Variants in LIFR observed in about 807,000 individuals in gnomAD.
LIFR encodes LIF receptor subunit alpha.
In LIFR, 84 loss-of-function variants were observed where a neutral mutation model predicts 122.2. That is an observed-to-expected ratio of 0.69 (90% CI 0.58 to 0.82). LIFR has a LOEUF of 0.82. Among genes scored for constraint, LIFR ranks in the 40% least tolerant of loss-of-function variants. The pLI is 0.00. For missense variants in LIFR, 1,294 were observed against 1,311.6 expected (o/e 0.99, Z 0.21); for synonymous variants, 422 against 434.7 (o/e 0.97, Z 0.36).
chr5:38,602,488 C>T, intron 2 of LIFR, among the ~76,000 whole-genome samples: 1 of 151,988 alleles, frequency 6.6e-6, no homozygotes. Flanking sequence ...TCTTTGAGGC[C>T]TTCTCTTTTC....
upstream of LIFR, among the ~76,000 whole-genome samples, chr5:38,560,427 A>G (rs1225092498): frequency 1.3e-5 from 2 of 152,188 alleles, no homozygotes; most frequent in African/African-American, 4.8e-5. Context: ...TTTGAGAGAC[A>G]TGAAAAATAT....
intron 1 of LIFR, among the ~76,000 whole-genome samples, chr5:38,584,462 G>A (rs1187953519): frequency 6.6e-6 from 1 of 151,838 alleles, no homozygotes; most frequent in Admixed American, 6.6e-5. Flanking sequence ...ACAAATGAAT[G>A]GATAAAGAAA....
At chr5:38,526,453 A>G (rs1390118767) in intron 4 of LIFR, among the ~76,000 whole-genome samples, 26 of 150,090 alleles carry the variant, frequency 1.7e-4, no homozygotes, top group African/African-American at 6.0e-4. Context: ...ATATATATAT[A>G]TATAAAATCT....
intron 1 of LIFR, among the ~76,000 whole-genome samples, chr5:38,585,524 C>A (rs1470132225): frequency 6.6e-6 from 1 of 152,174 alleles, no homozygotes; most frequent in Non-Finnish European, 1.5e-5. Context: ...ATGTGCTTCC[C>A]ATTAGGGTTA....
intron 5 of LIFR, among the ~76,000 whole-genome samples, chr5:38,521,463 A>G (rs1746393760): frequency 6.6e-6 from 1 of 152,144 alleles, no homozygotes; most frequent in Admixed American, 6.5e-5. Context: ...CTATTGTTGA[A>G]TAAGAGTGGC....
intron 5 of LIFR, among the ~76,000 whole-genome samples, chr5:38,513,141 AT>A (rs556447739): frequency 6.6e-6 from 1 of 152,206 alleles, no homozygotes; most frequent in African/African-American, 2.4e-5. Context: ...GAGTAAACAG[AT>A]TTTTTTTAAA....
intron 5 of LIFR, among the ~76,000 whole-genome samples, chr5:38,515,218 G>T (rs1357310687): frequency 6.6e-6 from 1 of 152,146 alleles, no homozygotes; most frequent in Non-Finnish European, 1.5e-5. Flanking sequence ...TGGAGCCTCT[G>T]TGATGCCTCT....
chr5:38,571,334 T>C (rs1216273535), intron 1 of LIFR, among the ~76,000 whole-genome samples: 4 of 152,010 alleles, frequency 2.6e-5, no homozygotes, highest in Non-Finnish European at 5.9e-5. Context: ...GGCGGATCAC[T>C]TGAAGTCAGG....
At chr5:38,522,925 T>C (rs542319953) in intron 5 of LIFR, among the ~76,000 whole-genome samples, 3 of 152,244 alleles carry the variant, frequency 2.0e-5, no homozygotes, top group Non-Finnish European at 4.4e-5. Context: ...ATAAATGTTG[T>C]TCATTACTCC....
In LIFR at chr5:38,479,061, T is replaced by C. The variant is rs1743853723; in HGVS notation, c.*2534A>G. ...TACCAGTATCTCAGACAACTGAACA[T>C]GTGACCAATCTCCTTCCAACTTCCC... On this transcript the variant is annotated 3_prime_UTR_variant, in exon 20 of 20. Coordinates refer to ENST00000453190, the MANE Select transcript of LIFR (RefSeq NM_001127671.2). 2 of 231,218 alleles carry C rather than the reference T, an allele frequency of 8.6e-6. No homozygotes were observed. Among genetic ancestry groups the C allele is most frequent in the East Asian group, 6.1e-5 (1 of 16,338 alleles). 14.3% of individuals were successfully genotyped at this position (231,218 alleles called of 1,614,324 possible).
At chr5:38,549,114 G>A (rs989162646) in intron 1 of LIFR, among the ~76,000 whole-genome samples, 6 of 152,062 alleles carry the variant, frequency 3.9e-5, no homozygotes, top group African/African-American at 1.4e-4. Flanking sequence ...TCACCACACG[G>A]CATGCTTTAT....
chr5:38,578,299 C>T (rs1249535395), intron 1 of LIFR, among the ~76,000 whole-genome samples: 21 of 146,544 alleles, frequency 1.4e-4, no homozygotes, highest in African/African-American at 4.3e-4. Context: ...GTCTGCCTCC[C>T]GGTTTCAAGT....
Position 38,484,812 on chromosome 5 carries a change from C to G in LIFR, c.2554G>C (p.Val852Leu). 1.9e-6 allele frequency: 3 copies of G among 1,613,672 alleles called. No homozygotes were observed. Among genetic ancestry groups the G allele is most frequent in the Non-Finnish European group, 2.5e-6 (3 of 1,179,668 alleles). The change falls in exon 18 of 20, where the codon GTG becomes CTG. Residue 852 changes from valine (V) to leucine (L), a missense_variant. Transcript: ENST00000453190. Reference protein sequence around the residue: ...IPVAVAVIVGVVTSILCYRKR... With the variant: ...IPVAVAVIVGLVTSILCYRKR... ...CGATAGCAAAGGATACTTGTCACCA[C>G]TCCAACAATGACAGCCACTGCCACT...
chr5:38,553,480 G>A (rs1330243188), intron 1 of LIFR, among the ~76,000 whole-genome samples: 2 of 151,302 alleles, frequency 1.3e-5, no homozygotes, highest in Non-Finnish European at 1.5e-5. Context: ...TCCCTAGAAA[G>A]TTGTCTGGAA....
chr5:38,508,671 G>A (rs1561157845), intron 7 of LIFR, among the ~76,000 whole-genome samples: 1 of 151,990 alleles, frequency 6.6e-6, no homozygotes, highest in Non-Finnish European at 1.5e-5. Context: ...CCGCCTCCTG[G>A]GTTCATGCCA....
rs1743802535 is a variant in LIFR at position 38,477,964 on chromosome 5, T to C, written c.*3631A>G. 4.7e-6 allele frequency: 1 copy of C among 211,858 alleles called. No homozygotes were observed. The highest frequency in any genetic ancestry group is 2.3e-5 in the African/African-American group (1 of 44,120). The allele number at this position is 211,858 out of a possible 1,614,324, so 13.1% of individuals were successfully genotyped here. On this transcript the variant is annotated 3_prime_UTR_variant, in exon 20 of 20. Transcript: ENST00000453190. ...TAACCTTAGAGCAAACAAAAAATTT[T>C]ATTAGATTATATACCTGAGCAATAG...
chr5:38,490,600 A>ATT (rs758871475), intron 14 of LIFR: 32 of 153,790 alleles, frequency 2.1e-4, no homozygotes, highest in South Asian at 5.4e-4. Context: ...TCATTGCTTG[A>ATT]TTTTTTTTTT....
At chr5:38,498,405 A>G (rs1422443018) in intron 12 of LIFR, among the ~76,000 whole-genome samples, 2 of 151,978 alleles carry the variant, frequency 1.3e-5, no homozygotes, top group Non-Finnish European at 2.9e-5. Flanking sequence ...TCTCCAAGTG[A>G]TCCCATTTAT....
In LIFR at chr5:38,476,559, G is replaced by A. The variant is rs1161258436; in HGVS notation, c.*5036C>T. On this transcript the variant is annotated 3_prime_UTR_variant, in exon 20 of 20. Coordinates refer to ENST00000453190, the MANE Select transcript of LIFR (RefSeq NM_001127671.2). ...TAAAGTTCTGATTGGCTACTGTAAAGGCAATCTTAGAAGATGCATGTAAAT... is the reference window on the plus strand; with the variant it reads ...TAAAGTTCTGATTGGCTACTGTAAAAGCAATCTTAGAAGATGCATGTAAAT... 4.9e-6 allele frequency: 1 copy of A among 204,234 alleles called. No homozygotes were observed. Among genetic ancestry groups the A allele is most frequent in the African/African-American group, 2.3e-5 (1 of 43,488 alleles). 12.7% of individuals were successfully genotyped at this position (204,234 alleles called of 1,614,324 possible).
Sources: allele counts gnomAD v4.1 joint callset (sites outside exome capture counted in the v4.1 genomes callset), GRCh38; gene constraint gnomAD v4.1.1; transcripts MANE v1.5; gene names NCBI Gene and HGNC (gene_info 2026-07-23, HGNC 2026-07-21).